The following ERG variants were observed in gnomAD, a reference collection of about 807,000 sequenced individuals.
ERG encodes transcriptional regulator ERG.
Under a neutral mutation model 55.3 loss-of-function variants are expected in ERG, and 9 were observed. The ratio of observed to expected loss-of-function variants is 0.16; its 90% confidence interval spans 0.10 to 0.28. The LOEUF (loss-of-function observed/expected upper bound fraction) is 0.28, where lower values mean the gene tolerates loss of function less well. Ranked by LOEUF, ERG falls within the 10% of genes least tolerant of loss-of-function variation. ERG has a pLI of 1.00. For synonymous variants in ERG, 223 were observed against 237.3 expected (o/e 0.94, Z 0.55); for missense variants, 434 against 631.6 (o/e 0.69, Z 3.35).
At chr21:38,405,430 G>A (rs1988719077) in intron 3 of ERG, among the ~76,000 whole-genome samples, 1 of 152,060 alleles carries the variant, frequency 6.6e-6, no homozygotes, top group South Asian at 2.1e-4. Flanking sequence ...ATTGGTCCAG[G>A]GCCTGGGGTC....
At chr21:38,554,804 G>A (rs893781553) in intron 2 of ERG, among the ~76,000 whole-genome samples, 2 of 150,722 alleles carry the variant, frequency 1.3e-5, no homozygotes, top group Admixed American at 1.3e-4. Flanking sequence ...AAACGTACAC[G>A]TGTACCCCCG....
At chr21:38,415,282 C>T (rs1054754418) in intron 3 of ERG, among the ~76,000 whole-genome samples, 12 of 152,108 alleles carry the variant, frequency 7.9e-5, no homozygotes, top group Admixed American at 4.6e-4. Flanking sequence ...ATAGGGTGGT[C>T]GCATGATTTA....
intron 1 of ERG, among the ~76,000 whole-genome samples, chr21:38,469,074 C>CGA (rs769892337): frequency 1.3e-5 from 2 of 151,542 alleles, no homozygotes; most frequent in East Asian, 3.9e-4. Context: ...CCATAGCCCC[C>CGA]GAGACCCCTG....
intron 1 of ERG, among the ~76,000 whole-genome samples, chr21:38,452,390 T>G (rs1032804453): frequency 6.6e-6 from 1 of 152,152 alleles, no homozygotes; most frequent in South Asian, 2.1e-4. Flanking sequence ...AATACATATA[T>G]AAGTGTATGC....
At chr21:38,440,168 GC>G (rs1428145378) in intron 2 of ERG, among the ~76,000 whole-genome samples, 4 of 152,356 alleles carry the variant, frequency 2.6e-5, no homozygotes, top group Admixed American at 2.6e-4. Flanking sequence ...TTATGCATAA[GC>G]TAAGAGGAGG....
intron 1 of ERG, among the ~76,000 whole-genome samples, chr21:38,582,805 G>A (rs1271779334): frequency 1.3e-5 from 2 of 152,034 alleles, no homozygotes; most frequent in Admixed American, 6.5e-5. Flanking sequence ...GGAGCGCAGT[G>A]GCGCAATCTT....
intron 1 of ERG, among the ~76,000 whole-genome samples, chr21:38,480,690 G>C (rs777296947): frequency 2.8e-5 from 4 of 142,848 alleles, no homozygotes; most frequent in Non-Finnish European, 6.0e-5. Context: ...GGTTGCAGTG[G>C]CCAAATAGCC....
At chr21:38,477,152 C>T (rs1050621622) in intron 1 of ERG, among the ~76,000 whole-genome samples, 15 of 151,628 alleles carry the variant, frequency 9.9e-5, no homozygotes, top group African/African-American at 2.4e-4. Flanking sequence ...TAGCTGGGAC[C>T]GCAGGCGAAG....
At chr21:38,409,075 C>T (rs763017310) in intron 3 of ERG, among the ~76,000 whole-genome samples, 1 of 152,172 alleles carries the variant, frequency 6.6e-6, no homozygotes, top group Non-Finnish European at 1.5e-5. Context: ...AAGCATTATG[C>T]ATATGGCTAT....
At chr21:38,468,982 CA>C (rs1261630693) in intron 1 of ERG, among the ~76,000 whole-genome samples, 97 of 29,040 alleles carry the variant, frequency 3.3e-3, no homozygotes, top group African/African-American at 9.4e-3. Flanking sequence ...GACTCTGTCT[CA>C]AAAAAAAAAA....
At chr21:38,373,879 AT>A in the ERG span, among the ~76,000 whole-genome samples, 14,508 of 151,532 alleles carry the variant, frequency 0.096, 881 homozygotes, top group African/African-American at 0.18. Context: ...TTTGTAAACT[AT>A]TTTTTTTTAA....
chr21:38,474,847 C>G (rs535365010), intron 1 of ERG, among the ~76,000 whole-genome samples: 21 of 151,990 alleles, frequency 1.4e-4, no homozygotes, highest in African/African-American at 3.9e-4. Flanking sequence ...CTCAGTGAAA[C>G]AGATGAATCA....
intron 2 of ERG, among the ~76,000 whole-genome samples, chr21:38,444,441 G>C (rs1421106414): frequency 6.6e-6 from 1 of 152,162 alleles, no homozygotes; most frequent in African/African-American, 2.4e-5. Context: ...AATGTGAGCT[G>C]TTCTTATGAC....
intron 1 of ERG, among the ~76,000 whole-genome samples, chr21:38,596,558 G>A (rs2836550): frequency 0.16 from 24,761 of 152,174 alleles, 2,142 homozygotes; most frequent in East Asian, 0.29. Context: ...GAGCCAAACC[G>A]TGTGACACTT....
At chr21:38,650,999 A>G (rs1301003720) in intron 1 of ERG, among the ~76,000 whole-genome samples, 1 of 152,260 alleles carries the variant, frequency 6.6e-6, no homozygotes, top group Non-Finnish European at 1.5e-5. Flanking sequence ...GAAATTTGTC[A>G]TCAAGCTGGA....
chr21:38,370,386 C>G, the ERG span, among the ~76,000 whole-genome samples: 1 of 152,040 alleles, frequency 6.6e-6, no homozygotes, highest in Non-Finnish European at 1.5e-5. Flanking sequence ...TATCTTTTCA[C>G]TCTCTTTAAT....
At chr21:38,434,309 C>T (rs1412431555) in intron 2 of ERG, among the ~76,000 whole-genome samples, 1 of 152,134 alleles carries the variant, frequency 6.6e-6, no homozygotes, top group Admixed American at 6.5e-5. Flanking sequence ...TCCACATCAC[C>T]CCCTAGTCTC....
chr21:38,611,368 G>GACCC (rs767033860), intron 1 of ERG, among the ~76,000 whole-genome samples: 29 of 152,082 alleles, frequency 1.9e-4, no homozygotes, highest in Non-Finnish European at 3.2e-4. Flanking sequence ...CCATCACACA[G>GACCC]ACCCACGGCC....
chr21:38,447,370 C>G (rs982226383), intron 1 of ERG, among the ~76,000 whole-genome samples: 2 of 151,538 alleles, frequency 1.3e-5, no homozygotes, highest in South Asian at 2.1e-4. Context: ...GCTGTCCAAA[C>G]AGTAATGCAA....
Sources: allele counts gnomAD v4.1 joint callset (sites outside exome capture counted in the v4.1 genomes callset), GRCh38; gene constraint gnomAD v4.1.1; transcripts MANE v1.5; gene names NCBI Gene and HGNC (gene_info 2026-07-23, HGNC 2026-07-21).